RCOR1: variants seen among roughly 807,000 people sequenced by gnomAD.
RCOR1 encodes REST corepressor.
A neutral mutation model predicts 64.0 loss-of-function variants in RCOR1; 12 were observed. That is an observed-to-expected ratio of 0.19 (90% CI 0.12 to 0.30). The LOEUF is 0.30. Ranked by LOEUF, RCOR1 falls within the 10% of genes least tolerant of loss-of-function variation. The pLI is 1.00. For synonymous variants in RCOR1, 279 were observed against 227.2 expected, an observed-to-expected ratio of 1.23 and a Z score of -2.05; for missense variants, 502 against 621.2, an observed-to-expected ratio of 0.81 and a Z score of 2.04.
chr14:102,605,273 C>T (rs1314225173), intron 2 of RCOR1, among the ~76,000 whole-genome samples: 1 of 152,008 alleles, frequency 6.6e-6, no homozygotes, highest in Non-Finnish European at 1.5e-5. Context: ...AGCTTGGTTG[C>T]CTGGGGACAA....
chr14:102,594,483 A>G (rs1893204033), intron 2 of RCOR1, among the ~76,000 whole-genome samples: 1 of 152,208 alleles, frequency 6.6e-6, no homozygotes, highest in Admixed American at 6.6e-5. Context: ...TTGAAGTGAA[A>G]ATACATAGAG....
At chr14:102,642,049 AT>A (rs1412009710) in intron 2 of RCOR1, among the ~76,000 whole-genome samples, 2 of 152,148 alleles carry the variant, frequency 1.3e-5, no homozygotes, top group Non-Finnish European at 2.9e-5. Flanking sequence ...AAGGTCCATT[AT>A]TTGGGGACAA....
intron 11 of RCOR1, among the ~76,000 whole-genome samples, chr14:102,726,076 C>A (rs1167774608): frequency 6.6e-6 from 1 of 151,922 alleles, no homozygotes; most frequent in Non-Finnish European, 1.5e-5. Flanking sequence ...CACATGTAAT[C>A]CCAGCACTTT....
intron 4 of RCOR1, among the ~76,000 whole-genome samples, chr14:102,706,441 A>G (rs1246201818): frequency 6.6e-6 from 1 of 152,214 alleles, no homozygotes; most frequent in Non-Finnish European, 1.5e-5. Context: ...CAGTCAAAAT[A>G]GACTTTAAAT....
intron 2 of RCOR1, among the ~76,000 whole-genome samples, chr14:102,628,755 A>G (rs1403997845): frequency 1.3e-5 from 2 of 152,150 alleles, no homozygotes; most frequent in African/African-American, 4.8e-5. Flanking sequence ...TGTTCCACCA[A>G]GTTGGCCAGG....
chr14:102,604,009 G>A (rs1893453817), intron 2 of RCOR1, among the ~76,000 whole-genome samples: 1 of 152,054 alleles, frequency 6.6e-6, no homozygotes, highest in Non-Finnish European at 1.5e-5. Flanking sequence ...GAGTTTATTT[G>A]ACTAGGAAGG....
chr14:102,679,303 T>G (rs1026718392), intron 2 of RCOR1, among the ~76,000 whole-genome samples: 1 of 152,142 alleles, frequency 6.6e-6, no homozygotes, highest in Non-Finnish European at 1.5e-5. Flanking sequence ...TGGATCCAAA[T>G]TTTTTTAAAA....
intron 7 of RCOR1, 48 bp from the exon 8 acceptor site, chr14:102,714,375 C>G (rs1197175249): frequency 7.9e-7 from 1 of 1,261,026 alleles, no homozygotes; most frequent in East Asian, 2.4e-5. Flanking sequence ...TATTACTGAT[C>G]ATTTGACTTT....
intron 11 of RCOR1, among the ~76,000 whole-genome samples, chr14:102,724,885 G>T (rs1261341508): frequency 3.9e-5 from 6 of 152,174 alleles, no homozygotes; most frequent in African/African-American, 1.4e-4. Flanking sequence ...TGAGAAAGAT[G>T]TCTGCTGGTG....
intron 2 of RCOR1, among the ~76,000 whole-genome samples, chr14:102,616,231 T>C (rs1009212851): frequency 3.4e-5 from 3 of 87,722 alleles, no homozygotes; most frequent in African/African-American, 3.0e-5. Flanking sequence ...TGTGTGTGTG[T>C]GTGTGTGTGT....
At chr14:102,711,914 A>T (rs753057648) in intron 7 of RCOR1, among the ~76,000 whole-genome samples, 2 of 152,216 alleles carry the variant, frequency 1.3e-5, no homozygotes, top group Non-Finnish European at 2.9e-5. Context: ...ATATGCCTGT[A>T]TATTCATAAT....
At position 102,600,632 on chromosome 14, in the gene RCOR1, G is replaced by A. The variant is rs562314954; in HGVS notation, c.361+7307G>A. On this transcript the variant is annotated intron_variant, in intron 2 of 11. Transcript: ENST00000262241. Reference sequence around the variant, plus strand: ...GTTCCCCAGGCTGGAGTGCAGTGGCGTGATCTCAGCTCACTGCAAGTTCCG... The same window carrying A: ...GTTCCCCAGGCTGGAGTGCAGTGGCATGATCTCAGCTCACTGCAAGTTCCG... Among the ~76,000 whole-genome samples, 313 of 149,096 alleles carry A rather than the reference G, an allele frequency of 2.1e-3. 1 individual carries two copies. Among genetic ancestry groups the A allele is most frequent in the Non-Finnish European group, 3.3e-3 (221 of 67,422 alleles).
At chr14:102,704,444 T>C (rs1358770481) in intron 4 of RCOR1, among the ~76,000 whole-genome samples, 2 of 152,260 alleles carry the variant, frequency 1.3e-5, no homozygotes, top group African/African-American at 4.8e-5. Flanking sequence ...TTTATTTTAT[T>C]TTTTTGAGAT....
chr14:102,689,283 A>G (rs1203175385), intron 3 of RCOR1, among the ~76,000 whole-genome samples: 1 of 152,154 alleles, frequency 6.6e-6, no homozygotes, highest in Non-Finnish European at 1.5e-5. Flanking sequence ...TGGATAGATT[A>G]ATCTGAGGAT....
At position 102,651,484 on chromosome 14, in the gene RCOR1, C is replaced by T. The variant is rs143899789; in HGVS notation, c.362-30411C>T. Among the ~76,000 whole-genome samples the T allele has an allele frequency of 9.3e-3, 1,406 of 151,020 alleles. 24 individuals carry two copies. The highest frequency in any genetic ancestry group is 0.032 in the African/African-American group (1,330 of 41,034). On this transcript the variant is annotated intron_variant, in intron 2 of 11. Coordinates refer to ENST00000262241, the MANE Select transcript of RCOR1 (RefSeq NM_015156.4). ...AGGAGAATTGCTTGAACCTGGAAGG[C>T]AGAGGTTGCAGTGAGCCGAGATTGC...
intron 3 of RCOR1, among the ~76,000 whole-genome samples, chr14:102,698,389 C>T (rs1425797829): frequency 6.6e-6 from 1 of 152,214 alleles, no homozygotes; most frequent in Non-Finnish European, 1.5e-5. Flanking sequence ...GGGACTCCTG[C>T]ATCACTTTTT....
intron 2 of RCOR1, among the ~76,000 whole-genome samples, chr14:102,634,811 C>G (rs1290557583): frequency 6.6e-6 from 1 of 151,786 alleles, no homozygotes; most frequent in Non-Finnish European, 1.5e-5. Flanking sequence ...ATTCTCCTGC[C>G]TCAGCCTCCT....
intron 2 of RCOR1, among the ~76,000 whole-genome samples, chr14:102,652,675 T>C (rs1567422659): frequency 6.6e-6 from 1 of 152,166 alleles, no homozygotes; most frequent in East Asian, 1.9e-4. Context: ...CATATTCTAT[T>C]TTTGTCACCT....
chr14:102,669,803 A>G (rs1894994881), intron 2 of RCOR1, among the ~76,000 whole-genome samples: 1 of 152,134 alleles, frequency 6.6e-6, no homozygotes, highest in Non-Finnish European at 1.5e-5. Flanking sequence ...TTTGATTTCT[A>G]TCTTTTTGAT....
Sources: gnomAD v4.1 joint callset for allele counts (sites outside exome capture counted in the v4.1 genomes callset) on GRCh38, gnomAD v4.1.1 for gene constraint, MANE v1.5 for transcripts, NCBI Gene and HGNC (gene_info 2026-07-23, HGNC 2026-07-21) for gene names.